EDN1: variants seen among roughly 807,000 people sequenced by gnomAD.
EDN1 encodes the protein endothelin 1.
EDN1 carries 11 observed loss-of-function variants against 21.7 expected under a neutral mutation model. The ratio of observed to expected loss-of-function variants is 0.51; its 90% CI spans 0.32 to 0.84. EDN1 has a LOEUF of 0.84. EDN1 is among the 40% of genes least tolerant of loss of function. The probability of loss-of-function intolerance (pLI) is 0.03; values close to 1 mark genes in which losing one functional copy is unlikely to be tolerated. For synonymous variants in EDN1, 85 were observed against 90.6 expected (o/e 0.94, Z 0.35); for missense variants, 244 against 262.3 (o/e 0.93, Z 0.48).
At chr6:12,288,553 C>A (rs1417394493), upstream of EDN1, among the ~76,000 whole-genome samples, 1 of 152,108 alleles carries the variant, frequency 6.6e-6, no homozygotes, top group Non-Finnish European at 1.5e-5. Context: ...AGGGTGGAGG[C>A]ATCTCTGGGT....
chr6:12,245,760 G>A, the EDN1 span, among the ~76,000 whole-genome samples: 1 of 152,196 alleles, frequency 6.6e-6, no homozygotes, highest in Non-Finnish European at 1.5e-5. Flanking sequence ...CCAGCCACTG[G>A]CCTGGTGTGA....
At chr6:12,265,302 C>T in the EDN1 span, among the ~76,000 whole-genome samples, 1 of 152,238 alleles carries the variant, frequency 6.6e-6, no homozygotes, top group Non-Finnish European at 1.5e-5. Context: ...ATGGGCTGAA[C>T]TGTGTCCTCT....
rs1762835815 is a variant in EDN1 at position 12,296,733 on chromosome 6, C to T, written c.*666C>T. 6.5e-6 allele frequency: 1 copy of T among 152,796 alleles called. No homozygotes were observed. The highest frequency in any genetic ancestry group is 2.4e-5 in the African/African-American group (1 of 41,400). 9.5% of individuals were successfully genotyped at this position (152,796 alleles called of 1,614,324 possible). On this transcript the variant is annotated 3_prime_UTR_variant, in exon 5 of 5. Coordinates refer to ENST00000379375, the MANE Select transcript of EDN1 (RefSeq NM_001955.5). ...CCACCCCTGCTGCCCCTTCCTCCAT[C>T]CCCCATACTAAATCCTAGCCTCGTA...
the EDN1 span, among the ~76,000 whole-genome samples, chr6:12,279,557 G>T: frequency 2.0e-5 from 3 of 152,184 alleles, no homozygotes; most frequent in South Asian, 6.2e-4. Context: ...GAGCGATCAG[G>T]GTTGGTTTAG....
chr6:12,243,286 AAGAGGAGGAGGAGGAGG>A, the EDN1 span, among the ~76,000 whole-genome samples: 2 of 139,640 alleles, frequency 1.4e-5, no homozygotes, highest in East Asian at 2.3e-4. Flanking sequence ...ACATTGAGTA[AAGAGGAGGAGGAGGAGG>A]AGAGGAGGAG....
the EDN1 span, among the ~76,000 whole-genome samples, chr6:12,239,798 A>AAGGC: frequency 1.2e-4 from 19 of 152,114 alleles, no homozygotes; most frequent in African/African-American, 4.6e-4. Context: ...GGTCCCAGCT[A>AAGGC]TTCAGGAGGC....
chr6:12,263,398 A>G, the EDN1 span, among the ~76,000 whole-genome samples: 1 of 152,222 alleles, frequency 6.6e-6, no homozygotes, highest in Non-Finnish European at 1.5e-5. Flanking sequence ...GGGTGTACAA[A>G]TGCAAATTTT....
the EDN1 span, among the ~76,000 whole-genome samples, chr6:12,234,673 G>C: frequency 6.6e-6 from 1 of 152,144 alleles, no homozygotes; most frequent in Non-Finnish European, 1.5e-5. Flanking sequence ...GGGCATTTTG[G>C]CTCTTGGCTG....
chr6:12,296,106 G>T lies in EDN1; in HGVS notation c.*39G>T. The T allele has an allele frequency of 6.3e-7, 1 of 1,586,348 alleles. No individual in the cohort carries two copies. Among genetic ancestry groups the T allele is most frequent in the Non-Finnish European group, 8.7e-7 (1 of 1,155,168 alleles). On this transcript the variant is annotated 3_prime_UTR_variant, in exon 5 of 5. Transcript: ENST00000379375. ...CCTGTCTGAAGCCATAGCCTCCACGGAGAGCCCTGTGGCCGACTCTGCACT... is the reference window on the plus strand; with the variant it reads ...CCTGTCTGAAGCCATAGCCTCCACGTAGAGCCCTGTGGCCGACTCTGCACT...
At chr6:12,263,570 T>C in the EDN1 span, among the ~76,000 whole-genome samples, 1 of 152,224 alleles carries the variant, frequency 6.6e-6, no homozygotes, top group Non-Finnish European at 1.5e-5. Context: ...TACTCATTTA[T>C]TGACTTCCAT....
chr6:12,292,635 GT>G, intron 2 of EDN1, 126 bp downstream of exon 2: 1 of 1,117,306 alleles, frequency 9.0e-7, no homozygotes, highest in East Asian at 2.4e-5. Context: ...AAGTGCCTCA[GT>G]GGGGACAGTT....
chr6:12,275,137 A>C, the EDN1 span, among the ~76,000 whole-genome samples: 2 of 152,200 alleles, frequency 1.3e-5, no homozygotes, highest in African/African-American at 4.8e-5. Flanking sequence ...CTTCTAACCC[A>C]AGAGCACTTC....
At chr6:12,287,688 C>CTT (rs1762576755), upstream of EDN1, among the ~76,000 whole-genome samples, 1 of 112,604 alleles carries the variant, frequency 8.9e-6, no homozygotes, top group Non-Finnish European at 1.8e-5. Flanking sequence ...TCTCTCTCTC[C>CTT]CTCTCTCTCT....
intron 2 of EDN1, 67 bp downstream of exon 2, chr6:12,292,576 T>C (rs770060138): frequency 3.1e-6 from 5 of 1,587,988 alleles, no homozygotes; most frequent in Non-Finnish European, 4.3e-6. Context: ...AGCCCAGTTT[T>C]AGAGTTTCTT....
chr6:12,257,946 A>G, the EDN1 span, among the ~76,000 whole-genome samples: 1 of 152,214 alleles, frequency 6.6e-6, no homozygotes. Flanking sequence ...TGTTCTTTGC[A>G]AACTGCTCAA....
chr6:12,232,939 G>A, the EDN1 span, among the ~76,000 whole-genome samples: 2 of 152,130 alleles, frequency 1.3e-5, no homozygotes, highest in African/African-American at 4.8e-5. Context: ...GTCACTTTCA[G>A]AAGGATTAAA....
At chr6:12,246,498 C>T in the EDN1 span, among the ~76,000 whole-genome samples, 3 of 152,144 alleles carry the variant, frequency 2.0e-5, no homozygotes, top group Admixed American at 2.0e-4. Flanking sequence ...CTCCTGAGAG[C>T]CACTGGCAAG....
At chr6:12,240,618 A>G in the EDN1 span, among the ~76,000 whole-genome samples, 1 of 152,196 alleles carries the variant, frequency 6.6e-6, no homozygotes, top group Admixed American at 6.5e-5. Flanking sequence ...CTGGACTTAG[A>G]ACCAGATGCA....
chr6:12,280,137 A>G, the EDN1 span, among the ~76,000 whole-genome samples: 3 of 152,220 alleles, frequency 2.0e-5, no homozygotes, highest in Non-Finnish European at 4.4e-5. Context: ...TAGCTCTGTG[A>G]CAAAATAAGA....
Sources: gnomAD v4.1 joint callset for allele counts (sites outside exome capture counted in the v4.1 genomes callset) on GRCh38, gnomAD v4.1.1 for gene constraint, MANE v1.5 for transcripts, NCBI Gene and HGNC (gene_info 2026-07-23, HGNC 2026-07-21) for gene names.